NAV2: variants seen among roughly 807,000 people sequenced by gnomAD.
The protein encoded by NAV2 is neuron navigator 2.
In NAV2, 54 loss-of-function variants were observed where a neutral mutation model predicts 223.2. That is an observed-to-expected ratio of 0.24 (90% confidence interval 0.19 to 0.30). The LOEUF is 0.30. NAV2 is among the 10% of genes least tolerant of loss of function. NAV2 has a pLI of 1.00. For synonymous variants in NAV2, 1,279 were observed against 1,239.3 expected (o/e 1.03, Z -0.67); for missense variants, 2,806 against 3,147.5 (o/e 0.89, Z 2.60).
At chr11:19,967,626 A>C (rs2048884303) in intron 10 of NAV2, among the ~76,000 whole-genome samples, 1 of 152,004 alleles carries the variant, frequency 6.6e-6, no homozygotes, top group Non-Finnish European at 1.5e-5. Flanking sequence ...CCAAAAGTAG[A>C]CCTGTTAAAA....
chr11:19,884,271 CT>C, intron 5 of NAV2: 1 of 1,593,494 alleles, frequency 6.3e-7, no homozygotes, highest in Non-Finnish European at 8.6e-7. Flanking sequence ...AGCTCTTCCA[CT>C]TTTTTCTTTC....
chr11:19,871,175 G>A (rs975431470), intron 4 of NAV2, among the ~76,000 whole-genome samples: 1 of 152,120 alleles, frequency 6.6e-6, no homozygotes, highest in Non-Finnish European at 1.5e-5. Flanking sequence ...TTCCTGCTGG[G>A]TCAAGACTCA....
Position 19,533,919 on chromosome 11 carries a change from G to A in NAV2, c.75+182892G>A, listed in dbSNP as rs2044107090. Among the ~76,000 whole-genome samples the A allele has an allele frequency of 1.5e-5, 2 of 133,356 alleles. 1 individual carries two copies. The highest frequency in any genetic ancestry group is 8.4e-5 in the African/African-American group (2 of 23,792). 87.5% of individuals were successfully genotyped at this position (133,356 alleles called of 152,430 possible). A position where few individuals can be genotyped will look rare whatever the true frequency, so the allele number is the denominator to read the frequency against. ...GACGGGGTTTCACCGTTTTAGCCGG[G>A]ATGGTCTCGATCTCCTGACCTCGTG... On this transcript the variant is annotated intron_variant, in intron 1 of 37. Coordinates refer to the NAV2 transcript ENST00000360655.
At chr11:19,613,695 A>G (rs1188624129) in intron 1 of NAV2, among the ~76,000 whole-genome samples, 1 of 152,226 alleles carries the variant, frequency 6.6e-6, no homozygotes, top group Non-Finnish European at 1.5e-5. Flanking sequence ...CGTGGGCAAG[A>G]ACCAAGCGGC....
Position 20,093,011 on chromosome 11 carries a change from G to A in NAV2, c.5816-88G>A, listed in dbSNP as rs965337470. On this transcript the variant is annotated intron_variant, in intron 28 of 37. Coordinates refer to ENST00000349880, the MANE Select transcript of NAV2 (RefSeq NM_145117.5). Reference sequence around the variant, plus strand: ...CTGCACCCTGACACCTGTTTGTCCCGCTGCTGTGCCAACCTGCAGCGGGGG... The same window carrying A: ...CTGCACCCTGACACCTGTTTGTCCCACTGCTGTGCCAACCTGCAGCGGGGG... The A allele has an allele frequency of 7.0e-5, 25 of 356,030 alleles. No homozygotes were observed. In the East Asian group the frequency reaches 1.4e-3, roughly 19 times the overall value. The allele number at this position is 356,030 out of a possible 1,614,324, so 22.1% of individuals were successfully genotyped here.
rs555924118 is a variant in NAV2 at position 19,637,198 on chromosome 11, G to A, written c.76-195286G>A. Among the ~76,000 whole-genome samples, 99 of 152,302 alleles carry A rather than the reference G, an allele frequency of 6.5e-4. 1 individual carries two copies. Among genetic ancestry groups the A allele is most frequent in the Non-Finnish European group, 1.0e-3 (70 of 68,038 alleles). Reference sequence around the variant, plus strand: ...GCTTCAAAGTACCTTCCTGGAAAACGTAGGTAGTGGCTACCTGGCTGGTTT... The same window carrying A: ...GCTTCAAAGTACCTTCCTGGAAAACATAGGTAGTGGCTACCTGGCTGGTTT... On this transcript the variant is annotated intron_variant, in intron 1 of 37. Coordinates refer to the NAV2 transcript ENST00000360655.
At chr11:19,362,670 G>A (rs374376199) in intron 1 of NAV2, among the ~76,000 whole-genome samples, 1 of 152,104 alleles carries the variant, frequency 6.6e-6, no homozygotes, top group South Asian at 2.1e-4. Context: ...AGTTACCTGG[G>A]TTTGCAATTC....
chr11:19,837,196 G>A (rs2060283137), intron 2 of NAV2, among the ~76,000 whole-genome samples: 1 of 152,262 alleles, frequency 6.6e-6, no homozygotes, highest in African/African-American at 2.4e-5. Context: ...GTGGATTATA[G>A]CCACTAAATA....
chr11:20,047,587 C>T (rs1027036790), intron 14 of NAV2, among the ~76,000 whole-genome samples: 1 of 152,178 alleles, frequency 6.6e-6, no homozygotes, highest in Non-Finnish European at 1.5e-5. Flanking sequence ...GTAACGAGGT[C>T]CCTGTCATCA....
intron 33 of NAV2, 107 bp from the exon 34 acceptor site, chr11:20,103,546 C>G: frequency 2.0e-6 from 3 of 1,488,640 alleles, no homozygotes. Flanking sequence ...TGGGAGGCAG[C>G]CAGCTGTCCA....
At chr11:19,702,961 A>G (rs1471013171) in intron 1 of NAV2, among the ~76,000 whole-genome samples, 8 of 151,150 alleles carry the variant, frequency 5.3e-5, no homozygotes, top group Non-Finnish European at 8.8e-5. Context: ...AGAAATTAAT[A>G]GTCCCTAATT....
At chr11:19,361,709 C>G (rs1027116644) in intron 1 of NAV2, among the ~76,000 whole-genome samples, 3 of 152,114 alleles carry the variant, frequency 2.0e-5, no homozygotes. Context: ...CTGGCAGGGC[C>G]TGCCATAGGA....
In NAV2 at chr11:20,121,432, C is replaced by G. The variant is rs978353543; in HGVS notation, c.*3174C>G. On this transcript the variant is annotated 3_prime_UTR_variant, in exon 38 of 38. Transcript: ENST00000349880. ...TTCCATCCTCCCTCCCCTTCCTCCT[C>G]CCCTCCTCTCTCTCTCTTCCTACCT... 12 of 152,560 alleles carry G rather than the reference C, an allele frequency of 7.9e-5. No individual in the cohort carries two copies. Among genetic ancestry groups the G allele is most frequent in the Admixed American group, 7.9e-4 (12 of 15,272 alleles). 9.5% of individuals were successfully genotyped at this position (152,560 alleles called of 1,614,324 possible). A position where few individuals can be genotyped will look rare whatever the true frequency, so the allele number is the denominator to read the frequency against.
intron 1 of NAV2, among the ~76,000 whole-genome samples, chr11:19,375,454 T>C (rs1848609442): frequency 6.6e-6 from 1 of 152,212 alleles, no homozygotes; most frequent in Non-Finnish European, 1.5e-5. Context: ...ATTCTTTCCC[T>C]AGTGCTTGAA....
chr11:20,088,688 A>G (rs998054335), intron 26 of NAV2, among the ~76,000 whole-genome samples: 5 of 152,196 alleles, frequency 3.3e-5, no homozygotes, highest in South Asian at 4.1e-4. Context: ...ACGTTCCACA[A>G]CGTGAGTGCC....
intron 1 of NAV2, among the ~76,000 whole-genome samples, chr11:19,820,530 G>C (rs1017910491): frequency 6.6e-6 from 1 of 152,196 alleles, no homozygotes; most frequent in Non-Finnish European, 1.5e-5. Context: ...CCAGTTTTCA[G>C]CCTCACTTGG....
intron 1 of NAV2, among the ~76,000 whole-genome samples, chr11:19,495,687 G>C (rs2042771125): frequency 6.6e-6 from 1 of 152,054 alleles, no homozygotes; most frequent in Non-Finnish European, 1.5e-5. Flanking sequence ...GGATGAGAGA[G>C]GGAATATAAA....
chr11:19,850,799 G>T (rs993814366), intron 3 of NAV2, among the ~76,000 whole-genome samples: 1 of 152,156 alleles, frequency 6.6e-6, no homozygotes, highest in Non-Finnish European at 1.5e-5. Flanking sequence ...CAAAAATGAT[G>T]ATAAGGTACT....
intron 3 of NAV2, among the ~76,000 whole-genome samples, chr11:19,849,675 G>A (rs2061008497): frequency 6.6e-6 from 1 of 152,208 alleles, no homozygotes; most frequent in South Asian, 2.1e-4. Context: ...CCTCTTCCCT[G>A]GGCCCTGGGC....
Sources: allele counts gnomAD v4.1 joint callset (sites outside exome capture counted in the v4.1 genomes callset), GRCh38; gene constraint gnomAD v4.1.1; transcripts MANE v1.5; gene names NCBI Gene and HGNC (gene_info 2026-07-23, HGNC 2026-07-21).